The following SRBD1 variants were observed in gnomAD, a reference collection of about 807,000 sequenced individuals.
SRBD1 encodes S1 RNA-binding domain-containing protein 1.
SRBD1 carries 88 observed loss-of-function variants against 115.3 expected under a neutral mutation model. The observed-to-expected ratio is 0.76, with a 90% CI of 0.64 to 0.91. The LOEUF is 0.91. SRBD1 is among the 40% of genes least tolerant of loss of function. The pLI is 0.00. For missense variants in SRBD1, 1,385 were observed against 1,177.4 expected (o/e 1.18, Z -2.58); for synonymous variants, 509 against 407.7 (o/e 1.25, Z -2.99).
At chr2:45,465,940 T>C (rs561706045) in intron 16 of SRBD1, among the ~76,000 whole-genome samples, 2 of 152,292 alleles carry the variant, frequency 1.3e-5, no homozygotes, top group African/African-American at 2.4e-5. Context: ...GTGTTTATAA[T>C]AAAGTTTAAA....
chr2:45,512,605 T>C (rs1671003140), intron 14 of SRBD1, among the ~76,000 whole-genome samples: 2 of 152,262 alleles, frequency 1.3e-5, no homozygotes, highest in Admixed American at 1.3e-4. Context: ...AGAAAGACAA[T>C]CATTGTGCTT....
intron 20 of SRBD1, among the ~76,000 whole-genome samples, chr2:45,392,306 G>A (rs531474607): frequency 2.6e-5 from 4 of 152,288 alleles, no homozygotes; most frequent in African/African-American, 9.6e-5. Flanking sequence ...AGACCAGTGA[G>A]CGGATTCATT....
rs573747288 is a variant in SRBD1 at position 45,397,463 on chromosome 2, C to G, written c.2514-4334G>C. ...CTCCTTTATGCTATCTACAGAGGAG[C>G]TGAATTTACACAGCTGAGAATATCA... On this transcript the variant is annotated intron_variant, in intron 19 of 20. Coordinates refer to ENST00000263736, the MANE Select transcript of SRBD1 (RefSeq NM_018079.5). Among the ~76,000 whole-genome samples the G allele has an allele frequency of 2.6e-5, 4 of 152,252 alleles. No homozygotes were observed. The East Asian group carries it at 5.8e-4, about 22-fold the overall frequency.
At chr2:45,542,576 T>A (rs1307183266) in intron 14 of SRBD1, among the ~76,000 whole-genome samples, 1 of 152,222 alleles carries the variant, frequency 6.6e-6, no homozygotes, top group Non-Finnish European at 1.5e-5. Context: ...ACCACTAGAA[T>A]TCTGATACAT....
At chr2:45,432,116 G>A (rs566268243) in intron 16 of SRBD1, among the ~76,000 whole-genome samples, 3 of 151,910 alleles carry the variant, frequency 2.0e-5, no homozygotes, top group South Asian at 2.1e-4. Context: ...AACAACCTCC[G>A]CCTCCCAGGT....
At chr2:45,598,926 C>T (rs768384020) in intron 4 of SRBD1, among the ~76,000 whole-genome samples, 1 of 152,060 alleles carries the variant, frequency 6.6e-6, no homozygotes, top group East Asian at 1.9e-4. Flanking sequence ...CCAAAGCCAG[C>T]CAAAAAAACT....
At chr2:45,527,296 A>G (rs907967697) in intron 14 of SRBD1, among the ~76,000 whole-genome samples, 1 of 151,942 alleles carries the variant, frequency 6.6e-6, no homozygotes, top group African/African-American at 2.4e-5. Flanking sequence ...TTCCTACCCC[A>G]GTCATAAATG....
chr2:45,425,198 G>C (rs1036547255), intron 16 of SRBD1, among the ~76,000 whole-genome samples: 6 of 151,942 alleles, frequency 3.9e-5, no homozygotes, highest in Admixed American at 3.3e-4. Context: ...GGGGCTCAAA[G>C]TCAAGCGGCA....
intron 14 of SRBD1, among the ~76,000 whole-genome samples, chr2:45,488,997 G>C (rs549296402): frequency 4.6e-5 from 7 of 152,232 alleles, no homozygotes; most frequent in African/African-American, 1.7e-4. Flanking sequence ...TAATCAAATA[G>C]TCACACAAAT....
At chr2:45,594,909 C>T (rs1017827636) in intron 4 of SRBD1, among the ~76,000 whole-genome samples, 1 of 152,198 alleles carries the variant, frequency 6.6e-6, no homozygotes, top group Non-Finnish European at 1.5e-5. Flanking sequence ...AATCCTTATA[C>T]AAAAAGACTG....
intron 14 of SRBD1, among the ~76,000 whole-genome samples, chr2:45,533,385 C>A (rs1236492671): frequency 1.3e-5 from 2 of 152,054 alleles, no homozygotes; most frequent in African/African-American, 4.8e-5. Context: ...ATGGACACTA[C>A]AACCCTAATA....
rs1428782687 is a variant in SRBD1 at position 45,480,280 on chromosome 2, G to A, written c.1967-3205C>T. Among the ~76,000 whole-genome samples the A allele has an allele frequency of 2.0e-5, 3 of 152,160 alleles. 1 individual carries two copies. The highest frequency in any genetic ancestry group is 4.4e-5 in the Non-Finnish European group (3 of 68,016). On this transcript the variant is annotated intron_variant, in intron 15 of 20. Transcript: ENST00000263736. The stretch of plus-strand genomic sequence containing the variant: ...AAATGCATTTTGTAAGGCTATAGCT[G>A]CCATAGATGGTGATTTCTCTGAGGA...
chr2:45,435,126 G>A (rs965050225), intron 16 of SRBD1, among the ~76,000 whole-genome samples: 5 of 152,032 alleles, frequency 3.3e-5, no homozygotes, highest in African/African-American at 1.2e-4. Context: ...TGGATGCTTA[G>A]TATTCCATGG....
intron 3 of SRBD1, 67 bp downstream of exon 3, chr2:45,601,836 A>G (rs539170310): frequency 3.2e-6 from 5 of 1,573,576 alleles, no homozygotes; most frequent in African/African-American, 2.7e-5. Flanking sequence ...ACTCTGTAGA[A>G]TAAGAAAATA....
rs960845863 is a variant in SRBD1, at chr2:45,581,608, T to C, written c.933+85A>G. On this transcript the variant is annotated intron_variant, in intron 6 of 20. Coordinates refer to ENST00000263736, the MANE Select transcript of SRBD1 (RefSeq NM_018079.5). ...ATGGTGGCTAATGACGTTAGCTTTTTATTTCTTGGTGTTCTTTAATCATAA... is the reference window on the plus strand; with the variant it reads ...ATGGTGGCTAATGACGTTAGCTTTTCATTTCTTGGTGTTCTTTAATCATAA... 9.5e-6 allele frequency: 9 copies of C among 945,378 alleles called. 1 individual carries two copies. The Admixed American group carries it at 1.6e-4, about 17-fold the overall frequency. The allele number at this position is 945,378 out of a possible 1,614,324, so 58.6% of individuals were successfully genotyped here. A position where few individuals can be genotyped will look rare whatever the true frequency, so the allele number is the denominator to read the frequency against.
intron 14 of SRBD1, chr2:45,546,323 T>G: frequency 1.0e-6 from 1 of 985,448 alleles, no homozygotes; most frequent in Non-Finnish European, 1.2e-6. Context: ...TTACCTTGGC[T>G]CTCAGTTCTG....
At chr2:45,584,292 A>G (rs1488158677) in intron 5 of SRBD1, among the ~76,000 whole-genome samples, 7 of 152,224 alleles carry the variant, frequency 4.6e-5, no homozygotes, top group African/African-American at 1.4e-4. Context: ...CCTCTTAGAC[A>G]GGGTTTGTAA....
At chr2:45,606,469 T>C (rs544235077) in intron 1 of SRBD1, among the ~76,000 whole-genome samples, 1 of 152,292 alleles carries the variant, frequency 6.6e-6, no homozygotes, top group African/African-American at 2.4e-5. Context: ...CTATTCTATA[T>C]ATTCTTAATG....
intron 5 of SRBD1, among the ~76,000 whole-genome samples, chr2:45,582,709 G>C: frequency 6.6e-6 from 1 of 152,060 alleles, no homozygotes; most frequent in African/African-American, 2.4e-5. Context: ...ACATGTATCT[G>C]TCATTCTGCG....
Sources: gnomAD v4.1 joint callset for allele counts (sites outside exome capture counted in the v4.1 genomes callset) on GRCh38, gnomAD v4.1.1 for gene constraint, MANE v1.5 for transcripts, NCBI Gene and HGNC (gene_info 2026-07-23, HGNC 2026-07-21) for gene names.